Variants in CHAT observed in about 807,000 individuals in gnomAD.
CHAT encodes choline O-acetyltransferase.
CHAT carries 61 observed loss-of-function variants against 76.9 expected under a neutral mutation model. That is an observed-to-expected ratio of 0.79 (90% confidence interval 0.65 to 0.98). The LOEUF is 0.98. Ranked by LOEUF, CHAT falls within the 50% of genes least tolerant of loss-of-function variation. The pLI, the probability that CHAT is intolerant of heterozygous loss-of-function variation, is 0.00. For missense variants in CHAT, 946 were observed against 986.9 expected (o/e 0.96, Z 0.56); for synonymous variants, 407 against 397.4 (o/e 1.02, Z -0.29).
At position 49,619,853 on chromosome 10, in the gene CHAT, T is replaced by C. The variant is rs772659997; in HGVS notation, c.516T>C (p.Pro172=). 2.9e-5 allele frequency: 46 copies of C among 1,613,396 alleles called. No individual in the cohort carries two copies. Among genetic ancestry groups the C allele is most frequent in the Non-Finnish European group, 3.9e-5 (46 of 1,179,846 alleles). Residue 172 remains proline (P), a synonymous_variant, in exon 3 of 15, where the codon CCT becomes CCC. Coordinates refer to ENST00000337653, the MANE Select transcript of CHAT (RefSeq NM_020549.5). ...CCATTGTGCAGCAGTTTGGGGCCCCTGGTGGCCTCGGCGAGACCCTGCAGC... is the reference window on the plus strand; with the variant it reads ...CCATTGTGCAGCAGTTTGGGGCCCCCGGTGGCCTCGGCGAGACCCTGCAGC... ...SQAIVQQFGA[P]GGLGETLQQK... is the part of the protein sequence containing the mutation.
At chr10:49,611,691 G>A, upstream of CHAT, 1 of 1,609,836 alleles carries the variant, frequency 6.2e-7, no homozygotes, top group Non-Finnish European at 8.5e-7. Context: ...CGTGGATGAA[G>A]CATACGATGG....
chr10:49,617,933 ACAGGCAGAGGGCCGTCATTCATCCAT>A (rs2132705754), intron 2 of CHAT, among the ~76,000 whole-genome samples: 1 of 152,316 alleles, frequency 6.6e-6, no homozygotes, highest in African/African-American at 2.4e-5. Context: ...GCAGGATCAG[ACAGGCAGAGGGCCGTCATTCATCCAT>A]CAGCAGCAGG....
chr10:49,637,314 T>C (rs1052179111), intron 7 of CHAT: 4 of 152,304 alleles, frequency 2.6e-5, no homozygotes, highest in African/African-American at 9.6e-5. Context: ...TTTCATATGG[T>C]GTATTTTAGT....
intron 7 of CHAT, among the ~76,000 whole-genome samples, chr10:49,634,855 CTTAAG>C (rs1255894560): frequency 3.3e-5 from 5 of 152,112 alleles, no homozygotes; most frequent in Non-Finnish European, 7.3e-5. Context: ...CTTCTTGGTT[CTTAAG>C]TTCTTTTTTG....
intron 13 of CHAT, among the ~76,000 whole-genome samples, chr10:49,656,658 G>A (rs993681338): frequency 6.6e-6 from 1 of 152,210 alleles, no homozygotes; most frequent in Non-Finnish European, 1.5e-5. Context: ...CCCATTCGAG[G>A]AAAAGCAGAG....
intron 7 of CHAT, 86 bp downstream of exon 7, chr10:49,627,871 T>C: frequency 6.9e-7 from 1 of 1,440,784 alleles, no homozygotes; most frequent in Admixed American, 1.9e-5. Flanking sequence ...GGCCAGGGCC[T>C]CATCCCCATC....
intron 11 of CHAT, 41 bp from the exon 12 acceptor site, chr10:49,655,054 G>A (rs199522003): frequency 3.7e-6 from 6 of 1,612,208 alleles, no homozygotes; most frequent in Non-Finnish European, 3.4e-6. Flanking sequence ...GATTTCCCAA[G>A]AATAAATTAC....
intron 5 of CHAT, among the ~76,000 whole-genome samples, 199 bp from the exon 6 acceptor site, chr10:49,625,274 G>A (rs138593448): frequency 1.5e-3 from 225 of 152,286 alleles, no homozygotes; most frequent in African/African-American, 5.1e-3. Context: ...AAAACTCTGA[G>A]GGTCTCCACG....
intron 9 of CHAT, 113 bp from the exon 10 acceptor site, chr10:49,649,395 A>C: frequency 6.5e-7 from 1 of 1,528,148 alleles, no homozygotes; most frequent in Non-Finnish European, 9.0e-7. Context: ...GTACCCCCTG[A>C]AACTCCATGG....
At chr10:49,648,739 AC>A in intron 9 of CHAT, 132 bp downstream of exon 9, 1 of 663,176 alleles carries the variant, frequency 1.5e-6, no homozygotes, top group Admixed American at 2.1e-5. Context: ...ACACACACAC[AC>A]ACACACACAC....
intron 7 of CHAT, among the ~76,000 whole-genome samples, chr10:49,631,395 C>A (rs1291925228): frequency 2.6e-5 from 4 of 152,184 alleles, no homozygotes; most frequent in Non-Finnish European, 5.9e-5. Context: ...GGTGACCAGT[C>A]ATATGGGATT....
chr10:49,612,153 C>T, upstream of CHAT: 2 of 1,611,404 alleles, frequency 1.2e-6, no homozygotes, highest in Non-Finnish European at 8.5e-7. Flanking sequence ...TGCTCCGCAA[C>T]GTGGGCCTCC....
At chr10:49,660,037 G>A (rs541887833) in intron 13 of CHAT, among the ~76,000 whole-genome samples, 6 of 152,212 alleles carry the variant, frequency 3.9e-5, no homozygotes, top group African/African-American at 7.2e-5. Context: ...TATGTATATC[G>A]TTCTGTATAC....
upstream of CHAT, chr10:49,612,151 A>C (rs1365273119): frequency 1.9e-6 from 3 of 1,611,532 alleles, no homozygotes; most frequent in Admixed American, 5.0e-5. Flanking sequence ...GCTGCTCCGC[A>C]ACGTGGGCCT....
intron 7 of CHAT, among the ~76,000 whole-genome samples, chr10:49,634,480 C>T (rs1239024029): frequency 6.6e-6 from 1 of 152,216 alleles, no homozygotes; most frequent in Non-Finnish European, 1.5e-5. Flanking sequence ...GGCAGGGGCC[C>T]GTGGGCCCTC....
intron 1 of CHAT, among the ~76,000 whole-genome samples, chr10:49,615,329 C>A (rs904221021): frequency 2.6e-5 from 4 of 152,260 alleles, no homozygotes; most frequent in African/African-American, 9.6e-5. Flanking sequence ...GCAGCCCCTA[C>A]GAACCCACAG....
upstream of CHAT, chr10:49,610,376 A>G (rs1024022436): frequency 8.7e-6 from 2 of 229,354 alleles, no homozygotes; most frequent in Non-Finnish European, 1.7e-5. Flanking sequence ...GGCGGGCGGC[A>G]ACAGCATGTC....
chr10:49,641,820 G>A (rs1839490573), intron 7 of CHAT, among the ~76,000 whole-genome samples: 1 of 152,216 alleles, frequency 6.6e-6, no homozygotes, highest in Non-Finnish European at 1.5e-5. Context: ...AGCAAGCAAA[G>A]GCAAGTGTCC....
chr10:49,664,118 T>C (rs1840280281), intron 14 of CHAT, among the ~76,000 whole-genome samples: 1 of 152,230 alleles, frequency 6.6e-6, no homozygotes, highest in Non-Finnish European at 1.5e-5. Context: ...TTTTGTTGTT[T>C]TCCAACTGGA....
Sources: gnomAD v4.1 joint callset for allele counts (sites outside exome capture counted in the v4.1 genomes callset) on GRCh38, gnomAD v4.1.1 for gene constraint, MANE v1.5 for transcripts, NCBI Gene and HGNC (gene_info 2026-07-23, HGNC 2026-07-21) for gene names.